ZFHX3: variants seen among roughly 807,000 people sequenced by gnomAD.
ZFHX3 encodes zinc finger homeobox protein 3.
In ZFHX3, 42 loss-of-function variants were observed where a neutral mutation model predicts 279.1. The observed-to-expected ratio is 0.15, with a 90% CI of 0.12 to 0.19. The LOEUF is 0.19. Among genes scored for constraint, ZFHX3 ranks in the 10% least tolerant of loss-of-function variants. The pLI is 1.00. For missense variants in ZFHX3, 4,981 were observed against 4,754.0 expected, an observed-to-expected ratio of 1.05 and a Z score of -1.40; for synonymous variants, 2,293 against 1,957.8, an observed-to-expected ratio of 1.17 and a Z score of -4.52.
At chr16:73,511,505 G>A (rs1032398281) in intron 2 of ZFHX3, among the ~76,000 whole-genome samples, 2 of 152,208 alleles carry the variant, frequency 1.3e-5, no homozygotes, top group African/African-American at 4.8e-5. Flanking sequence ...TGCTCTCTGT[G>A]AAATGTGCAC....
intron 2 of ZFHX3, among the ~76,000 whole-genome samples, chr16:73,583,761 TA>T (rs768819012): frequency 8.5e-5 from 13 of 152,084 alleles, no homozygotes; most frequent in African/African-American, 3.1e-4. Context: ...AAATATAACA[TA>T]AAAAACTATC....
rs386385051 is a variant in ZFHX3, at chr16:73,214,843, C to CTTTTTT, written c.-1104+42198_-1104+42203dup. On this transcript the variant is annotated intron_variant, in intron 5 of 17. Coordinates refer to the ZFHX3 transcript ENST00000641206. The stretch of plus-strand genomic sequence containing the variant: ...ATTACTCCATTGAAATGCTGAAGGC[C>CTTTTTT]TTTTTTTTTTTTTTTTTTTTTTTTT... Among the ~76,000 whole-genome samples the CTTTTTT allele has an allele frequency of 3.7e-4, 29 of 79,252 alleles. 1 individual carries two copies. The highest frequency in any genetic ancestry group is 5.8e-4 in the South Asian group (1 of 1,728). 52.0% of individuals were successfully genotyped at this position (79,252 alleles called of 152,430 possible). A position where few individuals can be genotyped will look rare whatever the true frequency, so the allele number is the denominator to read the frequency against.
chr16:73,691,314 G>A (rs1242832429), intron 1 of ZFHX3, among the ~76,000 whole-genome samples: 1 of 152,064 alleles, frequency 6.6e-6, no homozygotes. Flanking sequence ...AAAAGCTTAA[G>A]ATTTGGCAAA....
At chr16:72,841,523 T>C (rs1031934641) in intron 4 of ZFHX3, among the ~76,000 whole-genome samples, 2 of 152,214 alleles carry the variant, frequency 1.3e-5, no homozygotes, top group Non-Finnish European at 2.9e-5. Flanking sequence ...ATGCCAGTAG[T>C]TGGATCCAAA....
chr16:73,843,768 A>G (rs1245003350), intron 1 of ZFHX3, among the ~76,000 whole-genome samples: 5 of 152,184 alleles, frequency 3.3e-5, no homozygotes, highest in African/African-American at 1.2e-4. Context: ...GCCAGACAGG[A>G]AAAATTTTAG....
rs542916890 is a variant in ZFHX3 at position 73,018,987 on chromosome 16, C to T, written c.-50+28765G>A. ...CACACACCTCAGAGGCCCAGAGCTC[C>T]GCTGTATCACACACTCATTGTCACA... On this transcript the variant is annotated intron_variant, in intron 1 of 9. Transcript: ENST00000268489. Among the ~76,000 whole-genome samples, 651 of 152,278 alleles carry T rather than the reference C, an allele frequency of 4.3e-3. 6 individuals carry two copies. Among genetic ancestry groups the T allele is most frequent in the African/African-American group, 0.013 (560 of 41,534 alleles).
chr16:73,487,023 A>C (rs2018987641), intron 2 of ZFHX3: 1 of 336,622 alleles, frequency 3.0e-6, no homozygotes, highest in Admixed American at 3.7e-5. Flanking sequence ...ATAAATGGAC[A>C]GCAATAACAG....
At chr16:73,706,791 C>T (rs776918728) in intron 1 of ZFHX3, among the ~76,000 whole-genome samples, 18 of 152,088 alleles carry the variant, frequency 1.2e-4, no homozygotes, top group South Asian at 2.1e-4. Flanking sequence ...TATCATCTTC[C>T]GTTCCCCCAC....
At chr16:73,145,141 T>C (rs1966857593) in intron 5 of ZFHX3, among the ~76,000 whole-genome samples, 1 of 152,194 alleles carries the variant, frequency 6.6e-6, no homozygotes, top group Non-Finnish European at 1.5e-5. Flanking sequence ...CTTTCACCTT[T>C]GCCATCTTAG....
At chr16:73,226,092 CA>C (rs1181223372) in intron 5 of ZFHX3, among the ~76,000 whole-genome samples, 1 of 152,162 alleles carries the variant, frequency 6.6e-6, no homozygotes. Flanking sequence ...CATAGGGGCA[CA>C]AAAAGAGTTG....
At chr16:73,151,219 A>G (rs568012067) in intron 5 of ZFHX3, among the ~76,000 whole-genome samples, 1 of 152,336 alleles carries the variant, frequency 6.6e-6, no homozygotes, top group Non-Finnish European at 1.5e-5. Flanking sequence ...TATAATTTCT[A>G]TAATGAATTT....
In ZFHX3 at chr16:72,787,046, T is replaced by G; in HGVS notation, c.*118A>C. 6 of 1,016,342 alleles carry G rather than the reference T, an allele frequency of 5.9e-6. No homozygotes were observed. Among genetic ancestry groups the G allele is most frequent in the Non-Finnish European group, 7.5e-6 (6 of 804,352 alleles). 63.0% of individuals were successfully genotyped at this position (1,016,342 alleles called of 1,614,324 possible). A position where few individuals can be genotyped will look rare whatever the true frequency, so the allele number is the denominator to read the frequency against. On this transcript the variant is annotated 3_prime_UTR_variant, in exon 10 of 10. Transcript: ENST00000268489. ...ACGCTTTTTCTTTTTTTTCTTTTTT[T>G]TTTTTTTTTTGTTTTTTGGTTAGAA...
chr16:73,606,993 A>AAACAAC lies in ZFHX3; in HGVS notation c.-1547+73181_-1547+73186dup, dbSNP rs58670861. Among the ~76,000 whole-genome samples, 923 of 151,470 alleles carry AAACAAC rather than the reference A, an allele frequency of 6.1e-3. 22 individuals are homozygous for AAACAAC. The highest frequency in any genetic ancestry group is 0.044 in the South Asian group (211 of 4,774). On this transcript the variant is annotated intron_variant, in intron 2 of 17. Transcript: ENST00000641206. ...ACTCCATCTCAGAAAACAAACAAAC[A>AAACAAC]AACAACAACAACAAAAACAAATAAA...
At chr16:73,245,294 CAGT>C (rs1208799811) in intron 5 of ZFHX3, among the ~76,000 whole-genome samples, 1 of 152,116 alleles carries the variant, frequency 6.6e-6, no homozygotes, top group Non-Finnish European at 1.5e-5. Flanking sequence ...TTGTTTAATA[CAGT>C]CTCGCTCTGT....
At chr16:73,150,708 G>T (rs1442146122) in intron 5 of ZFHX3, among the ~76,000 whole-genome samples, 1 of 152,164 alleles carries the variant, frequency 6.6e-6, no homozygotes, top group Admixed American at 6.5e-5. Flanking sequence ...GACATGATTT[G>T]CTCTCATGAT....
At chr16:73,629,608 A>T (rs996245527) in intron 2 of ZFHX3, among the ~76,000 whole-genome samples, 1 of 152,128 alleles carries the variant, frequency 6.6e-6, no homozygotes, top group South Asian at 2.1e-4. Flanking sequence ...AATGAAAGAC[A>T]AAAGCAAACC....
chr16:73,647,329 T>C (rs1043312201), intron 2 of ZFHX3, among the ~76,000 whole-genome samples: 5 of 152,182 alleles, frequency 3.3e-5, no homozygotes, highest in Admixed American at 2.6e-4. Flanking sequence ...CATTTGTGTC[T>C]CCACCCAAAT....
At chr16:73,427,023 A>G (rs1454658480) in intron 3 of ZFHX3, among the ~76,000 whole-genome samples, 2 of 152,192 alleles carry the variant, frequency 1.3e-5, no homozygotes, top group Non-Finnish European at 2.9e-5. Context: ...TTAAAATGTC[A>G]GCTCAGCCAT....
intron 2 of ZFHX3, among the ~76,000 whole-genome samples, chr16:73,647,881 C>A (rs2052634826): frequency 6.6e-6 from 1 of 151,916 alleles, no homozygotes; most frequent in Non-Finnish European, 1.5e-5. Context: ...TCAAAATATG[C>A]AAAATCAGTT....
Sources: gnomAD v4.1 joint callset for allele counts (sites outside exome capture counted in the v4.1 genomes callset) on GRCh38, gnomAD v4.1.1 for gene constraint, MANE v1.5 for transcripts, NCBI Gene and HGNC (gene_info 2026-07-23, HGNC 2026-07-21) for gene names.